The following GCN1 variants were observed in gnomAD, a reference collection of about 807,000 sequenced individuals.
The protein encoded by GCN1 is stalled ribosome sensor GCN1.
Under a neutral mutation model 288.4 loss-of-function variants are expected in GCN1, and 90 were observed. The ratio of observed to expected loss-of-function variants is 0.31; its 90% CI spans 0.26 to 0.37. The LOEUF is 0.37. Ranked by LOEUF, GCN1 falls within the 10% of genes least tolerant of loss-of-function variation. The pLI is 1.00. For synonymous variants in GCN1, 1,386 were observed against 1,420.2 expected, an observed-to-expected ratio of 0.98 and a Z score of 0.54; for missense variants, 2,586 against 3,419.9, an observed-to-expected ratio of 0.76 and a Z score of 6.08.
chr12:120,178,822 A>AAT (rs1385797140), intron 6 of GCN1, 30 bp downstream of exon 6: 1 of 1,612,336 alleles, frequency 6.2e-7, no homozygotes, highest in Non-Finnish European at 8.5e-7. Flanking sequence ...TGGAAGAAGC[A>AAT]ATGCCCACCA....
intron 1 of GCN1, among the ~76,000 whole-genome samples, chr12:120,194,074 G>T (rs987503053): frequency 6.6e-6 from 1 of 152,326 alleles, no homozygotes; most frequent in Non-Finnish European, 1.5e-5. Flanking sequence ...CCCTGGATCT[G>T]ATAACAACCA....
At chr12:120,152,457 C>A (rs1371393557) in intron 33 of GCN1, among the ~76,000 whole-genome samples, 1 of 126,822 alleles carries the variant, frequency 7.9e-6, no homozygotes, top group Non-Finnish European at 1.6e-5. Context: ...TATATACATG[C>A]GTGTTTTTCA....
At position 120,161,780 on chromosome 12, in the gene GCN1, C is replaced by T. The variant is rs146228017; in HGVS notation, c.2342+100G>A. 5 of 1,177,886 alleles carry T rather than the reference C, an allele frequency of 4.2e-6. No homozygotes were observed. The South Asian group carries it at 6.8e-5, about 16-fold the overall frequency. 73.0% of individuals were successfully genotyped at this position (1,177,886 alleles called of 1,614,324 possible). On this transcript the variant is annotated intron_variant, in intron 21 of 57. Transcript: ENST00000300648. ...GGCGCTTAGCCAATGAATGGATAGG[C>T]TGTTGCATTCAACTCACAGGAGGCA...
Position 120,171,663 on chromosome 12 carries a change from G to C in GCN1, c.1367-1342C>G, listed in dbSNP as rs1878318042. On this transcript the variant is annotated intron_variant, in intron 14 of 57. Coordinates refer to ENST00000300648, the MANE Select transcript of GCN1 (RefSeq NM_006836.2). ...GTTTATTTTCGTTTTGTTTTTAAAA[G>C]GTTTATTTTATATTATGTTTATTTT... Among the ~76,000 whole-genome samples, 3 of 152,096 alleles carry C rather than the reference G, an allele frequency of 2.0e-5. No homozygotes were observed. In the South Asian group the frequency reaches 6.2e-4, roughly 32 times the overall value.
chr12:120,159,768 T>C, intron 24 of GCN1, 57 bp downstream of exon 24: 1 of 1,461,608 alleles, frequency 6.8e-7, no homozygotes, highest in Non-Finnish European at 9.6e-7. Flanking sequence ...GCACACCCTG[T>C]CCAAGCACTC....
chr12:120,131,014 T>G (rs752383273), intron 55 of GCN1, among the ~76,000 whole-genome samples, 171 bp downstream of exon 55: 1 of 152,194 alleles, frequency 6.6e-6, no homozygotes, highest in Non-Finnish European at 1.5e-5. Context: ...ATGATGAAAC[T>G]GGGGCCCAAA....
Position 120,153,272 on chromosome 12 carries a change from G to C in GCN1, c.4003C>G (p.Pro1335Ala). The change falls in exon 33 of 58, where the codon CCC becomes GCC. Residue 1335 changes from proline (P) to alanine (A), a missense_variant. Coordinates refer to ENST00000300648, the MANE Select transcript of GCN1 (RefSeq NM_006836.2). This position sits in a 1 kb window ranked among gnomAD's most constrained non-coding sequence, Gnocchi z 4.4. ...SLAKHLDKSDPKVKPIVAKLI... is the reference protein window; with the variant it reads ...SLAKHLDKSDAKVKPIVAKLI... ...TTGGCAACAATGGGCTTCACTTTGGGGTCACTCTTGTCCAGGTGCTTGGCC... is the reference window on the plus strand; with the variant it reads ...TTGGCAACAATGGGCTTCACTTTGGCGTCACTCTTGTCCAGGTGCTTGGCC... 6.2e-7 allele frequency: 1 copy of C among 1,614,176 alleles called. No individual in the cohort carries two copies. The highest frequency in any genetic ancestry group is 8.5e-7 in the Non-Finnish European group (1 of 1,180,032).
In GCN1 at chr12:120,178,154, T is replaced by A. The variant is rs530624746; in HGVS notation, c.661-402A>T. On this transcript the variant is annotated intron_variant, in intron 7 of 57. Coordinates refer to ENST00000300648, the MANE Select transcript of GCN1 (RefSeq NM_006836.2). ...TCAAAGTTCCTTCTTTAGAGTGATG[T>A]GTTCTCTGACCCACAGCCTAAATCA... Among the ~76,000 whole-genome samples the A allele has an allele frequency of 6.6e-5, 10 of 152,354 alleles. No homozygotes were observed. The South Asian group carries it at 1.9e-3, about 28-fold the overall frequency.
chr12:120,145,350 G>A lies in GCN1; in HGVS notation c.4948-20C>T, dbSNP rs1404873165. 9 of 1,546,400 alleles carry A rather than the reference G, an allele frequency of 5.8e-6. No homozygotes were observed. The highest frequency in any genetic ancestry group is 4.1e-5 in the African/African-American group (3 of 72,576). ...CAAGTCCTGCAACAACACAGGAGGC[G>A]GCTCAGGTGAGGCCCGACTCCTGCT... On this transcript the variant is annotated intron_variant, in intron 38 of 57. Transcript: ENST00000300648.
chr12:120,137,238 C>G lies in GCN1; in HGVS notation c.6745G>C (p.Glu2249Gln). The G allele has an allele frequency of 6.2e-7, 1 of 1,614,130 alleles. No individual in the cohort carries two copies. The highest frequency in any genetic ancestry group is 8.5e-7 in the Non-Finnish European group (1 of 1,179,986). The stretch of plus-strand genomic sequence containing the variant: ...GGGAGGCAGAATCCTGGCACATGCT[C>G]GCCTTTGCTCTCGTTCCCTATGAGC... ...IRLIGNESKG[E>Q]HVPGFCLPKK... Residue 2249 changes from glutamate to glutamine, a missense_variant, in exon 50 of 58, where the codon GAG becomes CAG. By Grantham distance (29) the Glu-to-Gln change is conservative. Around this residue, in one of 8 missense-constraint regions of GCN1, gnomAD observed 437 missense variants for 570.5 expected, o/e 0.77. Coordinates refer to ENST00000300648, the MANE Select transcript of GCN1 (RefSeq NM_006836.2). The surrounding 1 kb of genome is among the most constrained non-coding windows in gnomAD (Gnocchi z 5.2).
At chr12:120,191,484 T>C (rs755660969) in intron 1 of GCN1, among the ~76,000 whole-genome samples, 1 of 152,218 alleles carries the variant, frequency 6.6e-6, no homozygotes, top group Non-Finnish European at 1.5e-5. Flanking sequence ...ATAAGGCTCA[T>C]GTAACTTAAC....
intron 14 of GCN1, among the ~76,000 whole-genome samples, chr12:120,172,015 C>A (rs1321142600): frequency 1.3e-5 from 2 of 151,960 alleles, no homozygotes; most frequent in Non-Finnish European, 2.9e-5. Context: ...GCATGTACCA[C>A]CATGCCCAGC....
In GCN1 at chr12:120,142,977, C is replaced by A; in HGVS notation, c.5496-36G>T. Reference sequence around the variant, plus strand: ...GGCCAACAACACAGTCACACAGCTGCAAGGAGTGGGCTCGGCACAACTGAG... The same window carrying A: ...GGCCAACAACACAGTCACACAGCTGAAAGGAGTGGGCTCGGCACAACTGAG... On this transcript the variant is annotated intron_variant, in intron 42 of 57. Transcript: ENST00000300648. This position sits in a 1 kb window ranked among gnomAD's most constrained non-coding sequence, Gnocchi z 4.9. The A allele has an allele frequency of 7.7e-7, 1 of 1,303,346 alleles. No homozygotes were observed. Among genetic ancestry groups the A allele is most frequent in the African/African-American group, 1.4e-5 (1 of 69,268 alleles). 80.7% of individuals were successfully genotyped at this position (1,303,346 alleles called of 1,614,324 possible). A position where few individuals can be genotyped will look rare whatever the true frequency, so the allele number is the denominator to read the frequency against.
chr12:120,180,760 G>A (rs1474106648), intron 5 of GCN1, among the ~76,000 whole-genome samples: 3 of 148,790 alleles, frequency 2.0e-5, no homozygotes, highest in Non-Finnish European at 3.0e-5. Flanking sequence ...AGGCTGAGGC[G>A]GGCGGATCAC....
intron 5 of GCN1, among the ~76,000 whole-genome samples, chr12:120,180,165 G>A (rs1315261275): frequency 6.6e-6 from 1 of 152,150 alleles, no homozygotes; most frequent in Non-Finnish European, 1.5e-5. Flanking sequence ...AATTAGCTGG[G>A]TGTGGTGGCG....
At chr12:120,133,821 G>C (rs1432267510) in intron 53 of GCN1, among the ~76,000 whole-genome samples, 1 of 152,150 alleles carries the variant, frequency 6.6e-6, no homozygotes, top group Non-Finnish European at 1.5e-5. Context: ...GTTAATCCCA[G>C]CACTTTCGGA....
intron 51 of GCN1, among the ~76,000 whole-genome samples, chr12:120,135,641 G>A (rs1263117035): frequency 6.6e-6 from 1 of 152,128 alleles, no homozygotes; most frequent in Non-Finnish European, 1.5e-5. Flanking sequence ...GGGATTACAG[G>A]CTTGAGCCAC....
At position 120,145,261 on chromosome 12, in the gene GCN1, C is replaced by G; in HGVS notation, c.5016+1G>C. The stretch of plus-strand genomic sequence containing the variant: ...CATCCCCCAGCCTACCTCAGACTCA[C>G]CTCAGGCACAGGGTCCAAAAGCGAT... On this transcript the variant is annotated splice_donor_variant, in intron 39 of 57. Coordinates refer to ENST00000300648, the MANE Select transcript of GCN1 (RefSeq NM_006836.2). LOFTEE classifies it high-confidence loss of function. 6.3e-7 allele frequency: 1 copy of G among 1,597,564 alleles called. No homozygotes were observed. Among genetic ancestry groups the G allele is most frequent in the Non-Finnish European group, 8.5e-7 (1 of 1,171,698 alleles).
chr12:120,168,429 C>T, intron 15 of GCN1, 129 bp from the exon 16 acceptor site: 2 of 672,792 alleles, frequency 3.0e-6, no homozygotes, highest in South Asian at 3.3e-5. Flanking sequence ...GCTCAGTGCT[C>T]TTCCATTTGG....
Sources: allele counts gnomAD v4.1 joint callset (sites outside exome capture counted in the v4.1 genomes callset), GRCh38; gene constraint gnomAD v4.1.1; regional missense constraint gnomAD v4.1.1; non-coding constraint Gnocchi (gnomAD v3.1); transcripts MANE v1.5; gene names NCBI Gene and HGNC (gene_info 2026-07-23, HGNC 2026-07-21).